KIRREL3: variants seen among roughly 807,000 people sequenced by gnomAD.
KIRREL3 encodes the protein kirre like nephrin family adhesion molecule 3.
In KIRREL3, 36 loss-of-function variants were observed where a neutral mutation model predicts 89.7. The ratio of observed to expected loss-of-function variants is 0.40; its 90% CI spans 0.31 to 0.53. KIRREL3 has a LOEUF of 0.53. KIRREL3 is among the 20% of genes least tolerant of loss of function. KIRREL3 has a pLI of 0.49. For missense variants in KIRREL3, 864 were observed against 1,056.6 expected, an observed-to-expected ratio of 0.82 and a Z score of 2.53; for synonymous variants, 445 against 441.4, an observed-to-expected ratio of 1.01 and a Z score of -0.10.
At chr11:126,632,658 A>C (rs371640799) in intron 1 of KIRREL3, among the ~76,000 whole-genome samples, 1 of 5,142 alleles carries the variant, frequency 1.9e-4, no homozygotes, top group South Asian at 5.2e-3. Flanking sequence ...TCTTGTCTCT[A>C]TTATTTTCTT....
rs1484203627 is a variant in KIRREL3, at chr11:126,485,383, C to T, written c.434-11917G>A. On this transcript the variant is annotated intron_variant, in intron 4 of 16. Coordinates refer to ENST00000525144, the MANE Select transcript of KIRREL3 (RefSeq NM_032531.4). The surrounding 1 kb of genome is among the most constrained non-coding windows in gnomAD (Gnocchi z 5.8). ...GGACACTGGGAAGCCCACTTCTCAGCTGGAGCTCATATTGTTTAGGGGATA... is the reference window on the plus strand; with the variant it reads ...GGACACTGGGAAGCCCACTTCTCAGTTGGAGCTCATATTGTTTAGGGGATA... 6.6e-6 allele frequency among the ~76,000 whole-genome samples: 1 copy of T among 152,168 alleles called. No homozygotes were observed. The highest frequency in any genetic ancestry group is 2.4e-5 in the African/African-American group (1 of 41,452).
At position 126,424,883 on chromosome 11, in the gene KIRREL3, G is replaced by A; in HGVS notation, c.2034C>T (p.Ile678=). The A allele has an allele frequency of 2.5e-6, 4 of 1,612,830 alleles. No individual in the cohort carries two copies. Among genetic ancestry groups the A allele is most frequent in the Non-Finnish European group, 3.4e-6 (4 of 1,178,870 alleles). The change falls in exon 17 of 17, where the codon ATC becomes ATT. Residue 678 remains isoleucine, a synonymous_variant. Transcript: ENST00000525144. ...RVPTGMSFTN[I]YSTLSGQGRL... ...GGCCCTGGCCGCTCAGGGTGCTGTA[G>A]ATGTTGGTGAAGGACATGCCTGTGG...
chr11:126,682,371 T>C lies in KIRREL3; in HGVS notation c.56-119459A>G, dbSNP rs1946496068. Among the ~76,000 whole-genome samples the C allele has an allele frequency of 6.6e-6, 1 of 152,092 alleles. No homozygotes were observed. The highest frequency in any genetic ancestry group is 6.5e-5 in the Admixed American group (1 of 15,278). On this transcript the variant is annotated intron_variant, in intron 1 of 16. Coordinates refer to ENST00000525144, the MANE Select transcript of KIRREL3 (RefSeq NM_032531.4). The surrounding 1 kb of genome is among the most constrained non-coding windows in gnomAD (Gnocchi z 4.8). ...AGTTTCCTCATCTGCAAAATGAGGATGATAATATCCTCCTCCCAGTGTTGC... is the reference window on the plus strand; with the variant it reads ...AGTTTCCTCATCTGCAAAATGAGGACGATAATATCCTCCTCCCAGTGTTGC...
rs1945141901 is a variant in KIRREL3, at chr11:126,872,570, C to T, written c.55+127885G>A. Reference sequence around the variant, plus strand: ...GCCCCAATTTGGGGGCTCACTTCACCTGCATCATTTACATCAAACAGCCCC... The same window carrying T: ...GCCCCAATTTGGGGGCTCACTTCACTTGCATCATTTACATCAAACAGCCCC... On this transcript the variant is annotated intron_variant, in intron 1 of 16. Coordinates refer to ENST00000525144, the MANE Select transcript of KIRREL3 (RefSeq NM_032531.4). The surrounding 1 kb of genome is among the most constrained non-coding windows in gnomAD (Gnocchi z 4.2). Among the ~76,000 whole-genome samples the T allele has an allele frequency of 6.6e-6, 1 of 152,238 alleles. No individual in the cohort carries two copies. The highest frequency in any genetic ancestry group is 1.5e-5 in the Non-Finnish European group (1 of 68,038).
rs1415920781 is a variant in KIRREL3 at position 126,568,292 on chromosome 11, T to C, written c.56-5380A>G. 1.3e-5 allele frequency among the ~76,000 whole-genome samples: 2 copies of C among 150,134 alleles called. No individual in the cohort carries two copies. Among genetic ancestry groups the C allele is most frequent in the Non-Finnish European group, 3.0e-5 (2 of 67,024 alleles). On this transcript the variant is annotated intron_variant, in intron 1 of 16. Transcript: ENST00000525144. This position sits in a 1 kb window ranked among gnomAD's most constrained non-coding sequence, Gnocchi z 4.6. ...ATCCCTTCAGCACTGGTGCAGATGA[T>C]GGATGGGAGATGAGCTCAGAGAAGG... is the stretch of plus-strand genomic sequence containing the variant.
At position 126,870,812 on chromosome 11, in the gene KIRREL3, T is replaced by C. The variant is rs115426605; in HGVS notation, c.55+129643A>G. On this transcript the variant is annotated intron_variant, in intron 1 of 16. Transcript: ENST00000525144. The surrounding 1 kb of genome is among the most constrained non-coding windows in gnomAD (Gnocchi z 4.4). ...CCCTCCCCACTTCCAGTGTAGTTCC[T>C]GCACTGCCCCTCCCCACTTCCAGTG... Among the ~76,000 whole-genome samples the C allele has an allele frequency of 6.6e-6, 1 of 152,154 alleles. No homozygotes were observed. Among genetic ancestry groups the C allele is most frequent in the African/African-American group, 2.4e-5 (1 of 41,524 alleles).
Position 126,688,618 on chromosome 11 carries a change from T to C in KIRREL3, c.56-125706A>G, listed in dbSNP as rs180970866. 3.3e-4 allele frequency among the ~76,000 whole-genome samples: 50 copies of C among 152,324 alleles called. No homozygotes were observed. The East Asian group carries it at 8.5e-3, about 26-fold the overall frequency. ...TTTTGAGCCCTGGATTGGTTGGGCC[T>C]TTATCTTAGCTGCGTCAGCTCATAA... On this transcript the variant is annotated intron_variant, in intron 1 of 16. Transcript: ENST00000525144.
At position 126,860,935 on chromosome 11, in the gene KIRREL3, C is replaced by A. The variant is rs943063458; in HGVS notation, c.55+139520G>T. Among the ~76,000 whole-genome samples, 1 of 152,220 alleles carries A rather than the reference C, an allele frequency of 6.6e-6. No individual in the cohort carries two copies. Among genetic ancestry groups the A allele is most frequent in the East Asian group, 1.9e-4 (1 of 5,194 alleles). On this transcript the variant is annotated intron_variant, in intron 1 of 16. Coordinates refer to ENST00000525144, the MANE Select transcript of KIRREL3 (RefSeq NM_032531.4). This position sits in a 1 kb window ranked among gnomAD's most constrained non-coding sequence, Gnocchi z 4.6. ...GTACGTGCCACCTCCTATACAAAGC[C>A]TCTCCTGGTGCTACCAGAGGCAAAC... is the stretch of plus-strand genomic sequence containing the variant.
chr11:126,668,714 TTTC>T lies in KIRREL3; in HGVS notation c.56-105805_56-105803del, dbSNP rs1245052490. Among the ~76,000 whole-genome samples the T allele has an allele frequency of 2.1e-5, 2 of 93,510 alleles. No homozygotes were observed. The highest frequency in any genetic ancestry group is 6.4e-5 in the African/African-American group (2 of 31,244). 61.3% of individuals were successfully genotyped at this position (93,510 alleles called of 152,430 possible). A position where few individuals can be genotyped will look rare whatever the true frequency, so the allele number is the denominator to read the frequency against. On this transcript the variant is annotated intron_variant, in intron 1 of 16. Coordinates refer to ENST00000525144, the MANE Select transcript of KIRREL3 (RefSeq NM_032531.4). This position sits in a 1 kb window ranked among gnomAD's most constrained non-coding sequence, Gnocchi z 4.4. ...CTGTTTTTCTTTCTTTCTTTCTTTC[TTTC>T]TTTCTTTCTTTCTTTCTTTCTTTCT...
chr11:126,992,066 C>T (rs1950048534), intron 1 of KIRREL3, among the ~76,000 whole-genome samples: 1 of 152,206 alleles, frequency 6.6e-6, no homozygotes, highest in African/African-American at 2.4e-5. Flanking sequence ...TCATCACCAT[C>T]ATCATCATAA....
At position 126,908,365 on chromosome 11, in the gene KIRREL3, G is replaced by A. The variant is rs755546509; in HGVS notation, c.55+92090C>T. On this transcript the variant is annotated intron_variant, in intron 1 of 16. Transcript: ENST00000525144. The surrounding 1 kb of genome is among the most constrained non-coding windows in gnomAD (Gnocchi z 4.2). ...TTCGTCCAACCAAAGCAAGGACTCC[G>A]AAGCAGGACTGCTTGTGTTCAAAAC... 4.6e-5 allele frequency among the ~76,000 whole-genome samples: 7 copies of A among 152,160 alleles called. No homozygotes were observed. Among genetic ancestry groups the A allele is most frequent in the Non-Finnish European group, 7.4e-5 (5 of 68,026 alleles).
chr11:126,978,223 C>T lies in KIRREL3; in HGVS notation c.55+22232G>A, dbSNP rs565820980. ...CAGGGTTGCTTCTGCCCTTCCTCTT[C>T]TCCAACATTTTCTTTGAAAGGTGAC... On this transcript the variant is annotated intron_variant, in intron 1 of 16. Coordinates refer to ENST00000525144, the MANE Select transcript of KIRREL3 (RefSeq NM_032531.4). This position sits in a 1 kb window ranked among gnomAD's most constrained non-coding sequence, Gnocchi z 4.2. 6.6e-5 allele frequency among the ~76,000 whole-genome samples: 10 copies of T among 152,184 alleles called. No individual in the cohort carries two copies. Among genetic ancestry groups the T allele is most frequent in the Non-Finnish European group, 1.5e-4 (10 of 68,028 alleles).
rs572572668 is a variant in KIRREL3, at chr11:126,776,145, C to T, written c.56-213233G>A. ...GAGTTTCTGCCAGCTCTGCCGGGAG[C>T]CCTGACCTCTAGAAGCTGGTCCAGG... On this transcript the variant is annotated intron_variant, in intron 1 of 16. Coordinates refer to ENST00000525144, the MANE Select transcript of KIRREL3 (RefSeq NM_032531.4). The surrounding 1 kb of genome is among the most constrained non-coding windows in gnomAD (Gnocchi z 4.7). Among the ~76,000 whole-genome samples the T allele has an allele frequency of 1.3e-5, 2 of 152,302 alleles. No individual in the cohort carries two copies. The highest frequency in any genetic ancestry group is 3.9e-4 in the East Asian group (2 of 5,160).
chr11:126,673,489 T>TTAA (rs1172915327), intron 1 of KIRREL3, among the ~76,000 whole-genome samples: 1 of 152,190 alleles, frequency 6.6e-6, no homozygotes, highest in Non-Finnish European at 1.5e-5. Context: ...TTATGCTGAT[T>TTAA]TTCAGGACCC....
At chr11:126,863,478 CGTGTGTGAGTGCGTGTGTGAGT>C (rs1944794172) in intron 1 of KIRREL3, among the ~76,000 whole-genome samples, 1 of 52,266 alleles carries the variant, frequency 1.9e-5, no homozygotes, top group South Asian at 9.9e-4. Flanking sequence ...TGTGTGAGTG[CGTGTGTGAGTGCGTGTGTGAGT>C]GTGAGTGCGT....
chr11:126,542,137 C>T lies in KIRREL3; in HGVS notation c.134-15450G>A, dbSNP rs913552985. On this transcript the variant is annotated intron_variant, in intron 2 of 16. Transcript: ENST00000525144. The stretch of plus-strand genomic sequence containing the variant: ...ATCCCACTGACGGTGTGAAAGCAGG[C>T]CCACCCGGCGTGCACTGAGTGACTC... 3.3e-5 allele frequency among the ~76,000 whole-genome samples: 5 copies of T among 152,226 alleles called. 1 individual carries two copies. Among genetic ancestry groups the T allele is most frequent in the Non-Finnish European group, 4.4e-5 (3 of 68,046 alleles).
Position 126,989,420 on chromosome 11 carries a change from G to A in KIRREL3, c.55+11035C>T, listed in dbSNP as rs1004838929. 3.9e-5 allele frequency among the ~76,000 whole-genome samples: 6 copies of A among 152,076 alleles called. No homozygotes were observed. The highest frequency in any genetic ancestry group is 7.2e-5 in the African/African-American group (3 of 41,394). ...GAGTCAGCTGAGGGAAGCTGCTGGGGTCTCAGCACACCGTATAGAAAATCC... is the reference window on the plus strand; with the variant it reads ...GAGTCAGCTGAGGGAAGCTGCTGGGATCTCAGCACACCGTATAGAAAATCC... On this transcript the variant is annotated intron_variant, in intron 1 of 16. Transcript: ENST00000525144. The surrounding 1 kb of genome is among the most constrained non-coding windows in gnomAD (Gnocchi z 6.2).
At chr11:126,453,655 C>T (rs992513013) in intron 7 of KIRREL3, among the ~76,000 whole-genome samples, 8 of 152,144 alleles carry the variant, frequency 5.3e-5, no homozygotes, top group African/African-American at 1.7e-4. Context: ...TGGGTGCAGG[C>T]GCCCACCACC....
Position 126,508,803 on chromosome 11 carries a change from C to T in KIRREL3, c.433+12512G>A, listed in dbSNP as rs550911866. Among the ~76,000 whole-genome samples, 65 of 152,264 alleles carry T rather than the reference C, an allele frequency of 4.3e-4. 1 individual carries two copies. In the East Asian group the frequency reaches 0.011, roughly 25 times the overall value. On this transcript the variant is annotated intron_variant, in intron 4 of 16. Transcript: ENST00000525144. The surrounding 1 kb of genome is among the most constrained non-coding windows in gnomAD (Gnocchi z 4.9). ...CTCGTCCGTAAAAGGGGACACGGGA[C>T]CTGCCTGGCAGAGCTGGTCAGAGGG...
Sources: gnomAD v4.1 joint callset for allele counts (sites outside exome capture counted in the v4.1 genomes callset) on GRCh38, gnomAD v4.1.1 for gene constraint, Gnocchi (gnomAD v3.1) non-coding constraint, MANE v1.5 for transcripts, NCBI Gene and HGNC (gene_info 2026-07-23, HGNC 2026-07-21) for gene names.